BEND2: variants seen among roughly 807,000 people sequenced by gnomAD.
BEND2 encodes BEN domain containing 2, also known as BEN domain-containing protein 2.
BEND2 carries 19 observed loss-of-function variants against 43.8 expected under a neutral mutation model. The ratio of observed to expected loss-of-function variants is 0.43; its 90% CI spans 0.30 to 0.64. The LOEUF (loss-of-function observed/expected upper bound fraction) is 0.64. Among genes scored for constraint, BEND2 ranks in the 30% least tolerant of loss-of-function variants. The probability of loss-of-function intolerance (pLI) is 0.11; values close to 1 mark genes in which losing one functional copy is unlikely to be tolerated. For synonymous variants in BEND2, 226 were observed against 210.1 expected, an observed-to-expected ratio of 1.08 and a Z score of -0.66; for missense variants, 544 against 574.0, an observed-to-expected ratio of 0.95 and a Z score of 0.53.
intron 7 of BEND2, among the ~76,000 whole-genome samples, chrX:18,192,427 G>A (rs1422319851): frequency 1.8e-5 from 2 of 111,338 alleles, no homozygotes; most frequent in Admixed American, 1.9e-4. Context: ...GCATCAAAAA[G>A]GAAGAAAAAA....
At chrX:18,209,129 T>C (rs1216923429) in intron 4 of BEND2, among the ~76,000 whole-genome samples, 3 of 111,941 alleles carry the variant, frequency 2.7e-5, no homozygotes, top group Non-Finnish European at 5.6e-5. Flanking sequence ...ATAATTACAA[T>C]ACTGGATTAT....
At chrX:18,187,708 T>C (rs1258961140) in intron 8 of BEND2, among the ~76,000 whole-genome samples, 1 of 112,115 alleles carries the variant, frequency 8.9e-6, no homozygotes, top group African/African-American at 3.2e-5. Context: ...TGCAAATACC[T>C]ATTAATATTT....
intron 2 of BEND2, among the ~76,000 whole-genome samples, chrX:18,215,286 C>A (rs951951447): frequency 8.9e-6 from 1 of 112,025 alleles, no homozygotes; most frequent in African/African-American, 3.2e-5. Flanking sequence ...CACAATAACT[C>A]CCCCTCACCT....
intron 4 of BEND2, among the ~76,000 whole-genome samples, chrX:18,209,715 C>T (rs1349577704): frequency 9.0e-6 from 1 of 111,033 alleles, no homozygotes; most frequent in Non-Finnish European, 1.9e-5. Flanking sequence ...GAATAAGGAG[C>T]TGTCACAGAC....
chrX:18,164,790 C>T lies in BEND2; in HGVS notation c.*219G>A. 1 of 388,264 alleles carries T rather than the reference C, an allele frequency of 2.6e-6. No individual in the cohort carries two copies. Among genetic ancestry groups the T allele is most frequent in the Non-Finnish European group, 4.4e-6 (1 of 228,981 alleles). 32.0% of individuals were successfully genotyped at this position (388,264 alleles called of 1,213,427 possible). A position where few individuals can be genotyped will look rare whatever the true frequency, so the allele number is the denominator to read the frequency against. The stretch of plus-strand genomic sequence containing the variant: ...CATGAGGAGTTTACTACCATTCCCT[C>T]AATCAGAGGTTGTCATCAAATCCAC... On this transcript the variant is annotated 3_prime_UTR_variant, in exon 14 of 14. Coordinates refer to ENST00000380033, the MANE Select transcript of BEND2 (RefSeq NM_153346.5).
chrX:18,171,287 AT>A, intron 12 of BEND2, 83 bp from the exon 13 acceptor site: 1 of 994,319 alleles, frequency 1.0e-6, no homozygotes, highest in South Asian at 2.3e-5. Flanking sequence ...AGAAACGTTG[AT>A]TTTTCTCAAT....
rs150387089 is a variant in BEND2 at position 18,173,418 on chromosome X, A to G, written c.1981+612T>C. Among the ~76,000 whole-genome samples, 1,004 of 112,148 alleles carry G rather than the reference A, an allele frequency of 9.0e-3. 14 individuals are homozygous for G. Among genetic ancestry groups the G allele is most frequent in the African/African-American group, 0.03 (924 of 30,877 alleles). On this transcript the variant is annotated intron_variant, in intron 12 of 13. Coordinates refer to ENST00000380033, the MANE Select transcript of BEND2 (RefSeq NM_153346.5). ...ATTTCGTTTGAAAAGGATCCCAGGTAGTATTCTACTTAGGGTTAACATGGG... is the reference window on the plus strand; with the variant it reads ...ATTTCGTTTGAAAAGGATCCCAGGTGGTATTCTACTTAGGGTTAACATGGG...
Position 18,195,534 on chromosome X carries a change from AAGAAAACTAAAAAAATCTGT to A in BEND2, c.1034-112_1034-93del, listed in dbSNP as rs1210000304. Reference sequence around the variant, plus strand: ...AAAGGTAAAGACATTTCTCGAACGAAAGAAAACTAAAAAAATCTGTCCCTAGCCGACTTATCCATATAAAA... The same window carrying A: ...AAAGGTAAAGACATTTCTCGAACGAACCCTAGCCGACTTATCCATATAAAA... On this transcript the variant is annotated intron_variant, in intron 6 of 13. Coordinates refer to ENST00000380033, the MANE Select transcript of BEND2 (RefSeq NM_153346.5). 3 of 884,894 alleles carry A rather than the reference AAGAAAACTAAAAAAATCTGT, an allele frequency of 3.4e-6. No homozygotes were observed. The East Asian group carries it at 1.0e-4, about 30-fold the overall frequency. 72.9% of individuals were successfully genotyped at this position (884,894 alleles called of 1,213,427 possible). A position where few individuals can be genotyped will look rare whatever the true frequency, so the allele number is the denominator to read the frequency against.
rs12839911 is a variant in BEND2, at chrX:18,201,417, A to C, written c.1033+398T>G. On this transcript the variant is annotated intron_variant, in intron 6 of 13. Coordinates refer to ENST00000380033, the MANE Select transcript of BEND2 (RefSeq NM_153346.5). ...ATCTCAAAAAAAAAAAAAAAAAAAAACAAAAAAAAAAAAACTGGTGGATCA... is the reference window on the plus strand; with the variant it reads ...ATCTCAAAAAAAAAAAAAAAAAAAACCAAAAAAAAAAAAACTGGTGGATCA... Among the ~76,000 whole-genome samples the C allele has an allele frequency of 2.9e-3, 256 of 87,059 alleles. 3 individuals carry two copies. Among genetic ancestry groups the C allele is most frequent in the African/African-American group, 8.7e-3 (173 of 19,889 alleles). 75.6% of individuals were successfully genotyped at this position (87,059 alleles called of 115,157 possible).
intron 6 of BEND2, among the ~76,000 whole-genome samples, chrX:18,200,164 A>C (rs1925094714): frequency 8.9e-6 from 1 of 112,054 alleles, no homozygotes; most frequent in South Asian, 3.7e-4. Flanking sequence ...TGAATGGCTA[A>C]ACAAACTGTG....
chrX:18,215,509 G>A (rs4825354), intron 2 of BEND2, among the ~76,000 whole-genome samples: 4,053 of 112,039 alleles, frequency 0.036, 255 homozygotes, highest in Admixed American at 0.22. Flanking sequence ...TAGCTCATAA[G>A]CTAAGATATT....
Position 18,216,545 on chromosome X carries a change from G to T in BEND2, c.214C>A (p.His72Asn). ...PNFPGGNDGH[H>N]RPLQMSYGSG... ...CCATATGACATTTGGAGTGGACGGT[G>T]ATGGCCATCATTGCCGCCTGGAAAA... Residue 72 changes from histidine to asparagine, a missense_variant, in exon 2 of 14, where the codon CAC (histidine) becomes AAC (asparagine). Coordinates refer to ENST00000380033, the MANE Select transcript of BEND2 (RefSeq NM_153346.5). 8.3e-7 allele frequency: 1 copy of T among 1,206,187 alleles called. No individual in the cohort carries two copies. The highest frequency in any genetic ancestry group is 1.1e-6 in the Non-Finnish European group (1 of 890,487).
chrX:18,217,174 G>A (rs1925699786), intron 1 of BEND2, among the ~76,000 whole-genome samples: 1 of 112,723 alleles, frequency 8.9e-6, no homozygotes, highest in Non-Finnish European at 1.9e-5. Context: ...CAGAAATAAA[G>A]TGCAAAAGTA....
intron 8 of BEND2, among the ~76,000 whole-genome samples, chrX:18,185,439 G>A (rs927457949): frequency 2.8e-5 from 3 of 108,702 alleles, no homozygotes; most frequent in Admixed American, 2.0e-4. Context: ...GCTGAGGCAC[G>A]AGAATCACTT....
At chrX:18,195,542 T>A in intron 6 of BEND2, 100 bp from the exon 7 acceptor site, 1 of 838,914 alleles carries the variant, frequency 1.2e-6, no homozygotes, top group Non-Finnish European at 1.6e-6. Flanking sequence ...GAAAGAAAAC[T>A]AAAAAAATCT....
At chrX:18,185,959 A>G (rs1373986849) in intron 8 of BEND2, among the ~76,000 whole-genome samples, 1 of 111,874 alleles carries the variant, frequency 8.9e-6, no homozygotes, top group Non-Finnish European at 1.9e-5. Context: ...GACCTATGCT[A>G]TAAGAAATGC....
chrX:18,203,919 T>A lies in BEND2; in HGVS notation c.493-4A>T. On this transcript the variant is annotated splice_region_variant and splice_polypyrimidine_tract_variant and intron_variant, in intron 4 of 13. Transcript: ENST00000380033. Reference sequence around the variant, plus strand: ...GTGGTGATATGCTAGACTGTACCTATCCAGGGTAAGAGAACAGAATGAGTA... The same window carrying A: ...GTGGTGATATGCTAGACTGTACCTAACCAGGGTAAGAGAACAGAATGAGTA... The A allele has an allele frequency of 8.5e-7, 1 of 1,177,200 alleles. No homozygotes were observed. Among genetic ancestry groups the A allele is most frequent in the Non-Finnish European group, 1.1e-6 (1 of 873,004 alleles).
intron 12 of BEND2, among the ~76,000 whole-genome samples, chrX:18,172,693 C>CA (rs979832555): frequency 1.8e-3 from 172 of 97,909 alleles, no homozygotes; most frequent in Middle Eastern, 1.0e-2. Flanking sequence ...GACTCCATCT[C>CA]AAAAAAAAAA....
chrX:18,205,430 G>A (rs780136644), intron 4 of BEND2, among the ~76,000 whole-genome samples: 4 of 105,891 alleles, frequency 3.8e-5, no homozygotes, highest in African/African-American at 6.9e-5. Context: ...CAAAAACTCC[G>A]TCTCTAGAAA....
Sources: allele counts gnomAD v4.1 joint callset (sites outside exome capture counted in the v4.1 genomes callset), GRCh38; gene constraint gnomAD v4.1.1; transcripts MANE v1.5; gene names NCBI Gene and HGNC (gene_info 2026-07-23, HGNC 2026-07-21).